SYTL5: variants seen among roughly 807,000 people sequenced by gnomAD.
SYTL5 encodes synaptotagmin-like protein 5.
SYTL5 carries 34 observed loss-of-function variants against 55.9 expected under a neutral mutation model. The observed-to-expected ratio is 0.61, with a 90% CI of 0.46 to 0.81. The LOEUF is 0.81. Ranked by LOEUF, SYTL5 falls within the 30% of genes least tolerant of loss-of-function variation. SYTL5 has a pLI of 0.00. For synonymous variants in SYTL5, 221 were observed against 188.7 expected (o/e 1.17, Z -1.40); for missense variants, 637 against 546.7 (o/e 1.17, Z -1.65).
chrX:37,903,397 G>A, the SYTL5 span, among the ~76,000 whole-genome samples: 1 of 108,140 alleles, frequency 9.2e-6, no homozygotes, highest in Non-Finnish European at 1.9e-5. Context: ...CATGTCCTTT[G>A]TAGGGACATG....
At chrX:38,073,534 C>A in intron 4 of SYTL5, 56 bp from the exon 5 acceptor site, 1 of 854,792 alleles carries the variant, frequency 1.2e-6, no homozygotes, top group Non-Finnish European at 1.7e-6. Context: ...TATAAATTTG[C>A]TCTCATTTCT....
chrX:38,007,380 A>G (rs1241977051), intron 1 of SYTL5, among the ~76,000 whole-genome samples: 1 of 111,583 alleles, frequency 9.0e-6, no homozygotes, highest in African/African-American at 3.2e-5. Context: ...GATTGTTTTA[A>G]TTACCAATAC....
chrX:38,118,888 G>T (rs1381678740), intron 13 of SYTL5, among the ~76,000 whole-genome samples: 2 of 102,617 alleles, frequency 1.9e-5, no homozygotes, highest in Non-Finnish European at 3.9e-5. Context: ...CCAAGTAGCT[G>T]GGACTACAGG....
chrX:38,030,911 T>A (rs1017641596), intron 1 of SYTL5, among the ~76,000 whole-genome samples: 10 of 112,265 alleles, frequency 8.9e-5, no homozygotes, highest in African/African-American at 3.2e-4. Context: ...GAGAAAGTAC[T>A]GCCACATAGT....
At chrX:38,043,677 A>G (rs867106354) in intron 2 of SYTL5, among the ~76,000 whole-genome samples, 1 of 72,750 alleles carries the variant, frequency 1.4e-5, no homozygotes, top group Non-Finnish European at 2.3e-5. Flanking sequence ...ATATATATAT[A>G]TATATATATA....
chrX:37,926,949 C>T, the SYTL5 span, among the ~76,000 whole-genome samples: 2 of 111,903 alleles, frequency 1.8e-5, no homozygotes, highest in Non-Finnish European at 3.8e-5. Flanking sequence ...TGGAGGATTG[C>T]CTTTCCAGGA....
chrX:37,897,264 C>T, the SYTL5 span, among the ~76,000 whole-genome samples: 1 of 108,072 alleles, frequency 9.3e-6, no homozygotes, highest in Non-Finnish European at 1.9e-5. Flanking sequence ...GTGGGCAGAT[C>T]ACAAGGTCAG....
At chrX:38,087,995 C>T (rs1936697591) in intron 6 of SYTL5, among the ~76,000 whole-genome samples, 1 of 111,417 alleles carries the variant, frequency 9.0e-6, no homozygotes, top group Admixed American at 9.6e-5. Context: ...AAATAATATT[C>T]TAAAACATAT....
intron 3 of SYTL5, among the ~76,000 whole-genome samples, chrX:38,065,925 A>G (rs886208786): frequency 5.4e-5 from 6 of 110,600 alleles, no homozygotes; most frequent in African/African-American, 2.0e-4. Flanking sequence ...CATGGTGAAA[A>G]CCCATCTCTA....
chrX:38,070,221 T>C (rs1382281580), intron 3 of SYTL5, among the ~76,000 whole-genome samples: 3 of 111,651 alleles, frequency 2.7e-5, no homozygotes, highest in African/African-American at 6.5e-5. Context: ...GGGAAGAAGG[T>C]TGACATATTT....
intron 3 of SYTL5, 100 bp downstream of exon 3, chrX:38,054,522 G>A (rs1169005086): frequency 1.2e-6 from 1 of 811,634 alleles, no homozygotes; most frequent in African/African-American, 2.1e-5. Flanking sequence ...TTTAAGGATA[G>A]AGAGTGCAGG....
In SYTL5 at chrX:38,094,372, A is replaced by C. The variant is rs755335864; in HGVS notation, c.909A>C (p.Arg303Ser). 6 of 1,205,185 alleles carry C rather than the reference A, an allele frequency of 5.0e-6. No individual in the cohort carries two copies. In the African/African-American group the frequency reaches 8.8e-5, roughly 18 times the overall value. Residue 303 changes from arginine to serine, a missense_variant, in exon 8 of 17, where the codon AGA (arginine) becomes AGC (serine). Physicochemically the swap from Arg to Ser is moderately radical, Grantham distance 110. Coordinates refer to ENST00000297875, the MANE Select transcript of SYTL5 (RefSeq NM_138780.3). The stretch of plus-strand genomic sequence containing the variant: ...AGGAGCTCACAAAGAGTCACCGCAG[A>C]AACACTTCTGGCACACCTTCCATAG... ...TSQELTKSHR[R>S]NTSGTPSIAV...
chrX:38,097,886 A>G (rs1936977644), intron 9 of SYTL5, among the ~76,000 whole-genome samples: 2 of 109,915 alleles, frequency 1.8e-5, no homozygotes, highest in Non-Finnish European at 1.9e-5. Context: ...TCCAGAAAAA[A>G]AAAAAAAACT....
the SYTL5 span, among the ~76,000 whole-genome samples, chrX:37,933,071 C>T: frequency 9.0e-6 from 1 of 111,125 alleles, no homozygotes; most frequent in Admixed American, 9.6e-5. Context: ...ACTCACAAGG[C>T]CTGCACAGAT....
At chrX:37,951,084 AT>A in the SYTL5 span, among the ~76,000 whole-genome samples, 20 of 109,687 alleles carry the variant, frequency 1.8e-4, no homozygotes, top group African/African-American at 4.6e-4. Flanking sequence ...AAGTAAAAGA[AT>A]TTTTTTTTCA....
At chrX:37,973,723 C>G in the SYTL5 span, among the ~76,000 whole-genome samples, 2 of 110,257 alleles carry the variant, frequency 1.8e-5, no homozygotes, top group Admixed American at 1.9e-4. Context: ...CAACCTCTGC[C>G]TCCCGGGTTC....
the SYTL5 span, among the ~76,000 whole-genome samples, chrX:37,936,549 G>T: frequency 6.3e-5 from 7 of 111,729 alleles, no homozygotes; most frequent in Non-Finnish European, 1.1e-4. Context: ...CCTTCCCCTA[G>T]AGGTCTAGAT....
the SYTL5 span, among the ~76,000 whole-genome samples, chrX:37,983,534 T>G: frequency 8.9e-6 from 1 of 111,942 alleles, no homozygotes; most frequent in Non-Finnish European, 1.9e-5. Flanking sequence ...AAGCAATAAA[T>G]AGACAATTTA....
At position 38,116,663 on chromosome X, in the gene SYTL5, T is replaced by C. The variant is rs139548566; in HGVS notation, c.1597-3695T>C. On this transcript the variant is annotated intron_variant, in intron 13 of 16. Coordinates refer to ENST00000297875, the MANE Select transcript of SYTL5 (RefSeq NM_138780.3). ...AATAGCAACTTTGTTTTCAAATCTT[T>C]AGTTCTTCTATTCAACTGAATTGTT... Among the ~76,000 whole-genome samples the C allele has an allele frequency of 4.8e-3, 537 of 113,033 alleles. 3 individuals are homozygous for C. The highest frequency in any genetic ancestry group is 8.0e-3 in the South Asian group (22 of 2,763).
Sources: gnomAD v4.1 joint callset for allele counts (sites outside exome capture counted in the v4.1 genomes callset) on GRCh38, gnomAD v4.1.1 for gene constraint, MANE v1.5 for transcripts, NCBI Gene and HGNC (gene_info 2026-07-23, HGNC 2026-07-21) for gene names.